SLC39A11: variants seen among roughly 807,000 people sequenced by gnomAD.
SLC39A11 encodes zinc transporter ZIP11.
Under a neutral mutation model 36.1 loss-of-function variants are expected in SLC39A11, and 33 were observed. That is an observed-to-expected ratio of 0.91 (90% CI 0.69 to 1.22). SLC39A11 has a LOEUF of 1.22. Among genes scored for constraint, SLC39A11 ranks in the 50% most tolerant of loss-of-function variants. SLC39A11 has a pLI of 0.00. For missense variants in SLC39A11, 432 were observed against 430.3 expected, an observed-to-expected ratio of 1.00 and a Z score of -0.03; for synonymous variants, 166 against 170.3, an observed-to-expected ratio of 0.97 and a Z score of 0.20.
At chr17:73,073,383 C>T (rs1262159657) in intron 3 of SLC39A11, among the ~76,000 whole-genome samples, 1 of 152,118 alleles carries the variant, frequency 6.6e-6, no homozygotes, top group East Asian at 1.9e-4. Flanking sequence ...AGGGACCCTC[C>T]CCCATGTCCT....
At chr17:72,940,688 G>C (rs1460458998) in intron 5 of SLC39A11, among the ~76,000 whole-genome samples, 2 of 152,180 alleles carry the variant, frequency 1.3e-5, no homozygotes, top group Admixed American at 1.3e-4. Flanking sequence ...CTAACGTAAG[G>C]AGGCAGCCAT....
At chr17:72,986,758 G>A (rs2088796308) in intron 4 of SLC39A11, among the ~76,000 whole-genome samples, 1 of 152,200 alleles carries the variant, frequency 6.6e-6, no homozygotes, top group Non-Finnish European at 1.5e-5. Flanking sequence ...GGGCATGGTG[G>A]CTCATGCCTG....
intron 7 of SLC39A11, among the ~76,000 whole-genome samples, chr17:72,669,147 T>C (rs2070883557): frequency 6.6e-6 from 1 of 152,196 alleles, no homozygotes; most frequent in African/African-American, 2.4e-5. Flanking sequence ...CAGGAGAATG[T>C]TTTGTTTTTG....
At chr17:72,985,316 G>A (rs905068765) in intron 4 of SLC39A11, among the ~76,000 whole-genome samples, 2 of 152,002 alleles carry the variant, frequency 1.3e-5, no homozygotes, top group East Asian at 1.9e-4. Flanking sequence ...CTTTGCTGAC[G>A]GGACTAGCCA....
chr17:72,785,845 G>C (rs1200697853), intron 6 of SLC39A11, among the ~76,000 whole-genome samples: 1 of 152,186 alleles, frequency 6.6e-6, no homozygotes, highest in African/African-American at 2.4e-5. Flanking sequence ...TTGTCACTCA[G>C]AGATGCTAAA....
In SLC39A11 at chr17:72,670,906, C is replaced by T. The variant is rs536912108; in HGVS notation, c.672-21638G>A. ...GGAATGGTGTTTAGGAACAAAGGTCCGGGCTCCAGAGGCGCTCACTGTTAC... is the reference window on the plus strand; with the variant it reads ...GGAATGGTGTTTAGGAACAAAGGTCTGGGCTCCAGAGGCGCTCACTGTTAC... On this transcript the variant is annotated intron_variant, in intron 7 of 9. Transcript: ENST00000255559. Among the ~76,000 whole-genome samples the T allele has an allele frequency of 2.0e-4, 30 of 152,288 alleles. 1 individual carries two copies. The South Asian group carries it at 3.7e-3, about 19-fold the overall frequency.
At chr17:72,978,284 A>G (rs1304067898) in intron 4 of SLC39A11, among the ~76,000 whole-genome samples, 1 of 151,988 alleles carries the variant, frequency 6.6e-6, no homozygotes, top group African/African-American at 2.4e-5. Flanking sequence ...TTTACCGAGC[A>G]TTGTTCCCTG....
chr17:72,825,048 T>C (rs1185446760), intron 6 of SLC39A11, among the ~76,000 whole-genome samples: 2 of 151,574 alleles, frequency 1.3e-5, no homozygotes, highest in East Asian at 3.9e-4. Flanking sequence ...AGGGGCCGAA[T>C]GTTAATAGCC....
chr17:72,791,026 G>GC (rs1254303074), intron 6 of SLC39A11, among the ~76,000 whole-genome samples: 2 of 152,164 alleles, frequency 1.3e-5, no homozygotes, highest in African/African-American at 2.4e-5. Flanking sequence ...CAAAGTGGAG[G>GC]CCTCAGATCA....
intron 5 of SLC39A11, among the ~76,000 whole-genome samples, chr17:72,941,556 GT>G (rs11350044): frequency 0.5 from 73,307 of 146,584 alleles, 20,106 homozygotes; most frequent in African/African-American, 0.75. Context: ...TCAGGACTGT[GT>G]TTTTTTTTTT....
At chr17:72,648,079 C>G (rs1486646076) in intron 9 of SLC39A11, among the ~76,000 whole-genome samples, 1 of 152,062 alleles carries the variant, frequency 6.6e-6, no homozygotes, top group Non-Finnish European at 1.5e-5. Context: ...CCTGTAATCC[C>G]AGCACTTTGA....
chr17:72,693,842 T>G (rs1421162232), intron 7 of SLC39A11, among the ~76,000 whole-genome samples: 1 of 152,198 alleles, frequency 6.6e-6, no homozygotes, highest in Non-Finnish European at 1.5e-5. Context: ...TTTTGTGTTT[T>G]TAGTAGAGAC....
At chr17:72,662,633 AAGAG>A (rs200806377) in intron 7 of SLC39A11, among the ~76,000 whole-genome samples, 4 of 148,982 alleles carry the variant, frequency 2.7e-5, no homozygotes, top group Non-Finnish European at 4.5e-5. Flanking sequence ...AAAGAGAAGA[AAGAG>A]AGAAAGAAAA....
chr17:72,897,613 TATC>T lies in SLC39A11; in HGVS notation c.431-47812_431-47810del, dbSNP rs528187347. Among the ~76,000 whole-genome samples the T allele has an allele frequency of 2.8e-4, 42 of 152,292 alleles. No homozygotes were observed. The East Asian group carries it at 7.3e-3, about 27-fold the overall frequency. On this transcript the variant is annotated intron_variant, in intron 5 of 9. Transcript: ENST00000255559. Reference sequence around the variant, plus strand: ...TGAGCTGAGTTTGAAGAAAGTCTAATATCATGGTGATGTCAGGATCCTTGTGAG... The same window carrying T: ...TGAGCTGAGTTTGAAGAAAGTCTAATATGGTGATGTCAGGATCCTTGTGAG...
At chr17:72,925,947 T>C (rs1312517360) in intron 5 of SLC39A11, among the ~76,000 whole-genome samples, 1 of 152,236 alleles carries the variant, frequency 6.6e-6, no homozygotes, top group Non-Finnish European at 1.5e-5. Flanking sequence ...TGAGGTTTCC[T>C]TGCTGTGAGG....
intron 5 of SLC39A11, among the ~76,000 whole-genome samples, chr17:72,932,071 G>C (rs951841967): frequency 3.9e-5 from 6 of 152,116 alleles, no homozygotes; most frequent in Non-Finnish European, 7.4e-5. Flanking sequence ...CAGGCTCCAT[G>C]AGCTCTTTGG....
chr17:72,744,352 C>G (rs1187598938), intron 6 of SLC39A11, among the ~76,000 whole-genome samples: 4 of 152,056 alleles, frequency 2.6e-5, no homozygotes, highest in Admixed American at 2.6e-4. Flanking sequence ...ACCTCCTGTC[C>G]CAGTTGTGAC....
chr17:72,737,688 A>G (rs929733398), intron 6 of SLC39A11, among the ~76,000 whole-genome samples: 5 of 152,188 alleles, frequency 3.3e-5, no homozygotes, highest in Non-Finnish European at 7.3e-5. Context: ...GAAAGTAGAA[A>G]GGTAGAAACC....
chr17:73,092,137 C>G (rs1297663936), intron 1 of SLC39A11: 1 of 152,154 alleles, frequency 6.6e-6, no homozygotes, highest in Non-Finnish European at 1.5e-5. Context: ...GTTAGAAATG[C>G]ACACTGTCAC....
Sources: allele counts gnomAD v4.1 joint callset (sites outside exome capture counted in the v4.1 genomes callset), GRCh38; gene constraint gnomAD v4.1.1; transcripts MANE v1.5; gene names NCBI Gene and HGNC (gene_info 2026-07-23, HGNC 2026-07-21).